The following EYS variants were observed in gnomAD, a reference collection of about 807,000 sequenced individuals.
EYS encodes the protein EGF-like photoreceptor maintenance factor.
A neutral mutation model predicts 282.1 loss-of-function variants in EYS; 250 were observed. The ratio of observed to expected loss-of-function variants is 0.89; its 90% confidence interval spans 0.80 to 0.98. EYS has a LOEUF of 0.98. Among genes scored for constraint, EYS ranks in the 50% least tolerant of loss-of-function variants. The pLI, the probability that EYS is intolerant of heterozygous loss-of-function variation, is 0.00. For missense variants in EYS, 4,016 were observed against 3,709.0 expected (o/e 1.08, Z -2.15); for synonymous variants, 1,355 against 1,282.9 (o/e 1.06, Z -1.20).
chr6:64,970,889 T>G (rs1251793506), intron 14 of EYS, among the ~76,000 whole-genome samples: 1 of 152,050 alleles, frequency 6.6e-6, no homozygotes, highest in African/African-American at 2.4e-5. Context: ...GAAAAGAAAA[T>G]TTGTGACACC....
At chr6:65,309,641 T>C (rs1417373398) in intron 11 of EYS, among the ~76,000 whole-genome samples, 1 of 152,144 alleles carries the variant, frequency 6.6e-6, no homozygotes, top group African/African-American at 2.4e-5. Context: ...AAGAACTGAA[T>C]TCGAATCTTC....
chr6:64,154,970 T>C (rs1056699489), intron 31 of EYS, among the ~76,000 whole-genome samples: 5 of 152,168 alleles, frequency 3.3e-5, no homozygotes, highest in Admixed American at 2.6e-4. Context: ...TCCTGAGGGA[T>C]TGTAAAACTA....
intron 12 of EYS, among the ~76,000 whole-genome samples, chr6:65,252,945 C>T (rs751046099): frequency 1.5e-4 from 23 of 151,848 alleles, no homozygotes; most frequent in African/African-American, 2.4e-5. Context: ...GTGAAGAGAG[C>T]CTCAGACCTG....
intron 36 of EYS, among the ~76,000 whole-genome samples, chr6:63,863,324 A>C (rs1419108788): frequency 1.3e-5 from 2 of 152,198 alleles, no homozygotes; most frequent in Non-Finnish European, 2.9e-5. Flanking sequence ...AAAATCTTAT[A>C]TTAGAGCATC....
chr6:64,707,567 G>T (rs981091913), intron 22 of EYS, among the ~76,000 whole-genome samples: 1 of 151,574 alleles, frequency 6.6e-6, no homozygotes, highest in African/African-American at 2.4e-5. Context: ...TACTCCGGAG[G>T]CTGAGGCAGG....
intron 35 of EYS, among the ~76,000 whole-genome samples, chr6:63,911,121 TA>T (rs5876875): frequency 1.1e-3 from 157 of 143,484 alleles, no homozygotes; most frequent in Admixed American, 1.0e-3. Flanking sequence ...AGTCATTGGT[TA>T]AAAAAAAAAA....
chr6:65,408,080 G>T (rs1766830512), intron 5 of EYS, among the ~76,000 whole-genome samples: 1 of 151,896 alleles, frequency 6.6e-6, no homozygotes, highest in African/African-American at 2.4e-5. Flanking sequence ...TATTAATATG[G>T]TATATTACAT....
rs1764806003 is a variant in EYS, at chr6:64,544,954, G to A, written c.5644+45269C>T. Among the ~76,000 whole-genome samples the A allele has an allele frequency of 2.0e-5, 3 of 152,088 alleles. No individual in the cohort carries two copies. The East Asian group carries it at 5.8e-4, about 29-fold the overall frequency. ...TCTACCAGAGGTACAAGTAGGAGCTGGTACGATTCCTTCTGAAACTATTCC... is the reference window on the plus strand; with the variant it reads ...TCTACCAGAGGTACAAGTAGGAGCTAGTACGATTCCTTCTGAAACTATTCC... On this transcript the variant is annotated intron_variant, in intron 26 of 42. Transcript: ENST00000503581.
intron 22 of EYS, among the ~76,000 whole-genome samples, chr6:64,743,292 C>T (rs1161240805): frequency 6.6e-6 from 1 of 152,028 alleles, no homozygotes; most frequent in Non-Finnish European, 1.5e-5. Context: ...ATAAATATGA[C>T]ATGTGTAGGT....
chr6:65,671,051 A>T (rs1254329273), intron 1 of EYS, among the ~76,000 whole-genome samples: 1 of 152,126 alleles, frequency 6.6e-6, no homozygotes, highest in African/African-American at 2.4e-5. Context: ...TCCTTATTGT[A>T]GTAATTGAAT....
chr6:65,312,692 C>T (rs1412958743), intron 11 of EYS, among the ~76,000 whole-genome samples: 1 of 152,186 alleles, frequency 6.6e-6, no homozygotes, highest in Non-Finnish European at 1.5e-5. Flanking sequence ...CCCCCAACAA[C>T]CTGATTCATT....
At chr6:64,145,000 C>T (rs765563929) in intron 31 of EYS, among the ~76,000 whole-genome samples, 11 of 151,962 alleles carry the variant, frequency 7.2e-5, no homozygotes, top group Non-Finnish European at 1.5e-4. Context: ...CTTTTGGTGG[C>T]TGGATATATC....
intron 35 of EYS, among the ~76,000 whole-genome samples, chr6:63,971,069 C>T (rs1322695555): frequency 6.6e-6 from 1 of 152,082 alleles, no homozygotes; most frequent in African/African-American, 2.4e-5. Flanking sequence ...ACTTTTTGTT[C>T]AAAACAAGTT....
chr6:64,757,484 T>G (rs893289945), intron 22 of EYS, among the ~76,000 whole-genome samples: 1 of 152,164 alleles, frequency 6.6e-6, no homozygotes, highest in African/African-American at 2.4e-5. Context: ...CACAAGTATG[T>G]TTTGACTGTG....
intron 8 of EYS, among the ~76,000 whole-genome samples, chr6:65,377,573 A>G (rs888428561): frequency 6.6e-6 from 1 of 152,132 alleles, no homozygotes. Flanking sequence ...TCAAAAAATC[A>G]TTGAATCAAG....
intron 31 of EYS, among the ~76,000 whole-genome samples, chr6:64,141,276 G>T (rs1159717904): frequency 6.6e-6 from 1 of 152,162 alleles, no homozygotes; most frequent in Non-Finnish European, 1.5e-5. Flanking sequence ...AATGATGTTG[G>T]TTGGCATGGC....
chr6:63,921,248 A>G (rs918700340), intron 35 of EYS, among the ~76,000 whole-genome samples: 4 of 152,142 alleles, frequency 2.6e-5, no homozygotes, highest in African/African-American at 9.7e-5. Flanking sequence ...GCACTGTGTG[A>G]CTGTGGAGGG....
intron 22 of EYS, among the ~76,000 whole-genome samples, chr6:64,716,254 C>T (rs966822086): frequency 1.3e-5 from 2 of 152,136 alleles, no homozygotes; most frequent in South Asian, 2.1e-4. Context: ...TCATGGTAGC[C>T]GCTCCATCCA....
chr6:64,841,793 A>T (rs1271451309), intron 19 of EYS, among the ~76,000 whole-genome samples: 7 of 152,136 alleles, frequency 4.6e-5, no homozygotes, highest in Non-Finnish European at 1.0e-4. Context: ...GAAAACTGTG[A>T]ATCAGGGATT....
Sources: gnomAD v4.1 joint callset for allele counts (sites outside exome capture counted in the v4.1 genomes callset) on GRCh38, gnomAD v4.1.1 for gene constraint, MANE v1.5 for transcripts, NCBI Gene and HGNC (gene_info 2026-07-23, HGNC 2026-07-21) for gene names.